The following ZNF256 variants were observed in gnomAD, a reference collection of about 807,000 sequenced individuals.
ZNF256 encodes the protein bone marrow zinc finger 3.
ZNF256 carries 4 observed loss-of-function variants against 7.9 expected under a neutral mutation model. The ratio of observed to expected loss-of-function variants is 0.50; its 90% confidence interval spans 0.25 to 1.15. ZNF256 has a LOEUF of 1.15. Ranked by LOEUF, ZNF256 falls within the 50% of genes most tolerant of loss-of-function variation. The probability of loss-of-function intolerance (pLI) is 0.15; values close to 1 mark genes in which losing one functional copy is unlikely to be tolerated. For synonymous variants in ZNF256, 260 were observed against 260.4 expected (o/e 1.00, Z 0.02); for missense variants, 666 against 755.9 (o/e 0.88, Z 1.39).
Position 57,941,425 on chromosome 19 carries a change from C to G in ZNF256, c.1383G>C (p.Arg461Ser). ...TTCCACATTCACTGCACTCATATGGCCTTTCTCCTGTGTGAACTCTCTCAT... is the reference window on the plus strand; with the variant it reads ...TTCCACATTCACTGCACTCATATGGGCTTTCTCCTGTGTGAACTCTCTCAT... ...IVHERVHTGE[R>S]PYECSECGKS... The change falls in exon 3 of 3, where the codon AGG becomes AGC. Residue 461 changes from arginine (R) to serine (S), a missense_variant. Physicochemically the swap from Arg to Ser is moderately radical, Grantham distance 110 (BLOSUM62 -1). Transcript: ENST00000282308. 1 of 1,614,154 alleles carries G rather than the reference C, an allele frequency of 6.2e-7. No individual in the cohort carries two copies. The highest frequency in any genetic ancestry group is 8.5e-7 in the Non-Finnish European group (1 of 1,180,036).
rs896730871 is a variant in ZNF256 at position 57,942,442 on chromosome 19, T to C, written c.366A>G (p.Ala122=). Residue 122 remains alanine, a synonymous_variant, in exon 3 of 3, where the codon GCA becomes GCG. Coordinates refer to ENST00000282308, the MANE Select transcript of ZNF256 (RefSeq NM_005773.3). ...CAGTAAATTGTAATTGTTTCCTACA[T>C]GCCCCGTCTGTATACAGTTTCTGAC... The part of the protein sequence containing the change: ...HHGQKLYTDG[A]CRKQLQFTAY... 1.2e-6 allele frequency: 2 copies of C among 1,614,128 alleles called. No homozygotes were observed. The highest frequency in any genetic ancestry group is 1.7e-6 in the Non-Finnish European group (2 of 1,180,062).
In ZNF256 at chr19:57,941,421, A is replaced by G; in HGVS notation, c.1387T>C (p.Tyr463His). The change falls in exon 3 of 3, where the codon TAT (tyrosine) becomes CAT (histidine). Residue 463 changes from tyrosine to histidine, a missense_variant. Physicochemically the swap from Tyr to His is moderately conservative, Grantham distance 83. Coordinates refer to ENST00000282308, the MANE Select transcript of ZNF256 (RefSeq NM_005773.3). ...HERVHTGERP[Y>H]ECSECGKSFT... ...GATTTTCCACATTCACTGCACTCAT[A>G]TGGCCTTTCTCCTGTGTGAACTCTC... is the stretch of plus-strand genomic sequence containing the variant. The G allele has an allele frequency of 6.2e-7, 1 of 1,614,204 alleles. No homozygotes were observed. The highest frequency in any genetic ancestry group is 2.2e-5 in the East Asian group (1 of 44,886).
rs760404846 is a variant in ZNF256 at position 57,941,188 on chromosome 19, ACTTCTCCTATGT to A, written c.1608_1619del (p.Arg536_Arg539del). 1.2e-6 allele frequency: 2 copies of A among 1,614,156 alleles called. No homozygotes were observed. Among genetic ancestry groups the A allele is most frequent in the Non-Finnish European group, 1.7e-6 (2 of 1,180,026 alleles). On this transcript the variant is annotated inframe_deletion, in exon 3 of 3. Coordinates refer to ENST00000282308, the MANE Select transcript of ZNF256 (RefSeq NM_005773.3). ...ACTCATAAGGCCTTTCTCCGGTGTG[ACTTCTCCTATGT>A]CTAATGAGGCTGGAGCTCTGGCTAA...
chr19:57,942,226 CTTCT>C lies in ZNF256; in HGVS notation c.578_581del (p.Lys193SerfsTer14). 1 of 1,614,246 alleles carries C rather than the reference CTTCT, an allele frequency of 6.2e-7. No individual in the cohort carries two copies. Among genetic ancestry groups the C allele is most frequent in the East Asian group, 2.2e-5 (1 of 44,894 alleles). On this transcript the variant is annotated frameshift_variant, in exon 3 of 3. Transcript: ENST00000282308. LOFTEE classifies it low-confidence loss of function (END_TRUNC). ...CCACTGCACTCTTGGTTCTGTTTGA[CTTCT>C]TTCTGGTGTGAGCAGCCTGTTGCTG... is the stretch of plus-strand genomic sequence containing the variant.
intron 1 of ZNF256, among the ~76,000 whole-genome samples, chr19:57,946,795 A>G (rs1385494718): frequency 6.6e-6 from 1 of 152,226 alleles, no homozygotes; most frequent in Admixed American, 6.5e-5. Flanking sequence ...GCTTCCCACC[A>G]GAAAGCAAGG....
rs757526170 is a variant in ZNF256 at position 57,942,177 on chromosome 19, AATG to A, written c.628_630del (p.His210del). On this transcript the variant is annotated inframe_deletion, in exon 3 of 3. Coordinates refer to ENST00000282308, the MANE Select transcript of ZNF256 (RefSeq NM_005773.3). ...GCTTTCACACATTCTCCCCAGTTGT[AATG>A]ATTTTTTACACTGTGAAAGGCCACT... 232 of 1,614,100 alleles carry A rather than the reference AATG, an allele frequency of 1.4e-4. No individual in the cohort carries two copies. The highest frequency in any genetic ancestry group is 1.9e-4 in the Non-Finnish European group (229 of 1,180,054).
In ZNF256 at chr19:57,941,782, C is replaced by G. The variant is rs781713511; in HGVS notation, c.1026G>C (p.Gln342His). The G allele has an allele frequency of 1.2e-6, 2 of 1,614,076 alleles. No individual in the cohort carries two copies. Among genetic ancestry groups the G allele is most frequent in the Non-Finnish European group, 1.7e-6 (2 of 1,179,964 alleles). ...FSHSSSLITHQRIHTGMRPYE... is the reference protein window; with the variant it reads ...FSHSSSLITHHRIHTGMRPYE... ...AAGGCCTCATTCCAGTATGAATTCT[C>G]TGGTGTGTAATGAGGCTAGAGCTAT... The change falls in exon 3 of 3, where the codon CAG becomes CAC. Residue 342 changes from glutamine (Q) to histidine (H), a missense_variant. Gln to His is a conservative substitution (Grantham distance 24, BLOSUM62 0). Transcript: ENST00000282308.
In ZNF256 at chr19:57,941,902, T is replaced by C. The variant is rs1199806653; in HGVS notation, c.906A>G (p.Lys302=). 7 of 1,614,092 alleles carry C rather than the reference T, an allele frequency of 4.3e-6. No individual in the cohort carries two copies. The Admixed American group carries it at 1.0e-4, about 23-fold the overall frequency. The part of the protein sequence containing the change: ...VRPHQCDECG[K]LFNRKYDLLI... ...GAAGGTCATACTTCCTGTTAAATAA[T>C]TTTCCACATTCATCACATTGATGAG... Residue 302 remains lysine, a synonymous_variant, in exon 3 of 3, where the codon AAA becomes AAG. Transcript: ENST00000282308.
At chr19:57,946,284 CG>C (rs1322662658) in intron 1 of ZNF256, among the ~76,000 whole-genome samples, 27 of 152,266 alleles carry the variant, frequency 1.8e-4, no homozygotes, top group Admixed American at 8.5e-4. Flanking sequence ...ATTTCAAGAC[CG>C]GCACGTTCAT....
chr19:57,942,444 C>G lies in ZNF256; in HGVS notation c.364G>C (p.Ala122Pro). Residue 122 changes from alanine to proline, a missense_variant, in exon 3 of 3, where the codon GCA (alanine) becomes CCA (proline). Physicochemically the swap from Ala to Pro is conservative, Grantham distance 27. Coordinates refer to ENST00000282308, the MANE Select transcript of ZNF256 (RefSeq NM_005773.3). Reference sequence around the variant, plus strand: ...GTAAATTGTAATTGTTTCCTACATGCCCCGTCTGTATACAGTTTCTGACCA... The same window carrying G: ...GTAAATTGTAATTGTTTCCTACATGGCCCGTCTGTATACAGTTTCTGACCA... ...HHGQKLYTDG[A>P]CRKQLQFTAY... The G allele has an allele frequency of 6.2e-7, 1 of 1,614,210 alleles. No individual in the cohort carries two copies.
chr19:57,943,093 G>A (rs1019124645), intron 2 of ZNF256, among the ~76,000 whole-genome samples: 1 of 152,194 alleles, frequency 6.6e-6, no homozygotes, highest in African/African-American at 2.4e-5. Context: ...AAAAATGGGT[G>A]AAACATGGAG....
At chr19:57,943,644 G>A (rs925924280) in intron 2 of ZNF256, among the ~76,000 whole-genome samples, 1 of 152,206 alleles carries the variant, frequency 6.6e-6, no homozygotes, top group African/African-American at 2.4e-5. Flanking sequence ...GGGCCTTGAG[G>A]AGCCTCGAAT....
Position 57,947,494 on chromosome 19 carries a change from G to A in ZNF256, c.-20C>T. Reference sequence around the variant, plus strand: ...CGCCATCTGACTCTGTGAGCGGAGCGGGGCCAGAGAGGATGTCCTTATTCC... The same window carrying A: ...CGCCATCTGACTCTGTGAGCGGAGCAGGGCCAGAGAGGATGTCCTTATTCC... On this transcript the variant is annotated 5_prime_UTR_variant, in exon 1 of 3. Transcript: ENST00000282308. 1 of 1,249,116 alleles carries A rather than the reference G, an allele frequency of 8.0e-7. No homozygotes were observed. The highest frequency in any genetic ancestry group is 1.0e-6 in the Non-Finnish European group (1 of 988,518). 77.4% of individuals were successfully genotyped at this position (1,249,116 alleles called of 1,614,324 possible).
chr19:57,943,551 T>G (rs2072744914), intron 2 of ZNF256, among the ~76,000 whole-genome samples: 1 of 152,128 alleles, frequency 6.6e-6, no homozygotes, highest in South Asian at 2.1e-4. Context: ...GTAGTCCACA[T>G]AAGTGGTGAC....
At chr19:57,947,394 G>A in intron 1 of ZNF256, 48 bp downstream of exon 1, 1 of 1,246,430 alleles carries the variant, frequency 8.0e-7, no homozygotes, top group Non-Finnish European at 1.0e-6. Flanking sequence ...GGGGGTGCTA[G>A]GACTAGCGTG....
Position 57,947,539 on chromosome 19 carries a change from T to C in ZNF256, c.-65A>G. ...TATTCCGGGCCGGGCCTGGGTACCCTGGGCGCCGCCGAGCCTCAGCCACGC... is the reference window on the plus strand; with the variant it reads ...TATTCCGGGCCGGGCCTGGGTACCCCGGGCGCCGCCGAGCCTCAGCCACGC... On this transcript the variant is annotated 5_prime_UTR_variant, in exon 1 of 3. Coordinates refer to ENST00000282308, the MANE Select transcript of ZNF256 (RefSeq NM_005773.3). 2.4e-6 allele frequency: 3 copies of C among 1,240,994 alleles called. No homozygotes were observed. Among genetic ancestry groups the C allele is most frequent in the Non-Finnish European group, 3.1e-6 (3 of 981,158 alleles). 76.9% of individuals were successfully genotyped at this position (1,240,994 alleles called of 1,614,324 possible). A position where few individuals can be genotyped will look rare whatever the true frequency, so the allele number is the denominator to read the frequency against.
chr19:57,942,104 C>A lies in ZNF256; in HGVS notation c.704G>T (p.Arg235Met), dbSNP rs2072733891. 1 of 1,614,118 alleles carries A rather than the reference C, an allele frequency of 6.2e-7. No individual in the cohort carries two copies. Among genetic ancestry groups the A allele is most frequent in the Non-Finnish European group, 8.5e-7 (1 of 1,180,058 alleles). Residue 235 changes from arginine (R) to methionine (M), a missense_variant, in exon 3 of 3, where the codon AGG becomes ATG. By Grantham distance (91) the Arg-to-Met change is moderately conservative. Transcript: ENST00000282308. ...VRVQHQGDLIRERSYMCSECG... is the reference protein window; with the variant it reads ...VRVQHQGDLIMERSYMCSECG... ...TTCACTGCACATGTAAGATCTTTCC[C>A]TAATGAGGTCTCCCTGGTGCTGAAC...
chr19:57,940,845 C>T lies in ZNF256; in HGVS notation c.*79G>A, dbSNP rs1282699523. 21 of 1,404,882 alleles carry T rather than the reference C, an allele frequency of 1.5e-5. No individual in the cohort carries two copies. The highest frequency in any genetic ancestry group is 4.5e-5 in the Admixed American group (2 of 44,202). The allele number at this position is 1,404,882 out of a possible 1,614,324, so 87.0% of individuals were successfully genotyped here. A position where few individuals can be genotyped will look rare whatever the true frequency, so the allele number is the denominator to read the frequency against. On this transcript the variant is annotated 3_prime_UTR_variant, in exon 3 of 3. Coordinates refer to ENST00000282308, the MANE Select transcript of ZNF256 (RefSeq NM_005773.3). ...ATATAAAACATGGTTATTGAAAATA[C>T]GTATTTATTTATTTATGTCTGTGAA...
intron 2 of ZNF256, 124 bp downstream of exon 2, chr19:57,943,810 C>A: frequency 1.5e-6 from 2 of 1,326,224 alleles, no homozygotes; most frequent in South Asian, 2.9e-5. Context: ...CCCTACCAAC[C>A]GCAGCACCTG....
Sources: gnomAD v4.1 joint callset for allele counts (sites outside exome capture counted in the v4.1 genomes callset) on GRCh38, gnomAD v4.1.1 for gene constraint, MANE v1.5 for transcripts, NCBI Gene and HGNC (gene_info 2026-07-23, HGNC 2026-07-21) for gene names.